BLOC1S2: variants seen among roughly 807,000 people sequenced by gnomAD.
BLOC1S2 encodes the protein biogenesis of lysosomal organelles complex 1 subunit 2.
BLOC1S2 carries 12 observed loss-of-function variants against 19.6 expected under a neutral mutation model. The ratio of observed to expected loss-of-function variants is 0.61; its 90% confidence interval spans 0.39 to 0.99. The LOEUF is 0.99. BLOC1S2 is among the 50% of genes least tolerant of loss of function. The pLI is 0.00. For missense variants in BLOC1S2, 142 were observed against 171.0 expected, an observed-to-expected ratio of 0.83 and a Z score of 0.95; for synonymous variants, 66 against 64.1, an observed-to-expected ratio of 1.03 and a Z score of -0.14.
chr10:100,281,418 G>A (rs1848098402), intron 2 of BLOC1S2, among the ~76,000 whole-genome samples: 2 of 152,088 alleles, frequency 1.3e-5, no homozygotes, highest in Admixed American at 6.6e-5. Context: ...GGGCGCGGTG[G>A]CTCATGCGTG....
intron 3 of BLOC1S2, among the ~76,000 whole-genome samples, chr10:100,280,540 T>C (rs1388796459): frequency 2.0e-5 from 3 of 152,198 alleles, no homozygotes; most frequent in Non-Finnish European, 4.4e-5. Flanking sequence ...AAGAGCACCC[T>C]AGAGAAAAGA....
At chr10:100,284,692 T>G (rs1333451560) in intron 2 of BLOC1S2, among the ~76,000 whole-genome samples, 1 of 152,176 alleles carries the variant, frequency 6.6e-6, no homozygotes, top group African/African-American at 2.4e-5. Flanking sequence ...GGTTTTGCCA[T>G]GTTGAGCAGG....
chr10:100,278,307 C>T (rs1414293579), intron 4 of BLOC1S2, among the ~76,000 whole-genome samples: 2 of 151,962 alleles, frequency 1.3e-5, no homozygotes, highest in East Asian at 3.9e-4. Context: ...CCCCTCTGCC[C>T]GGCCACCACC....
At chr10:100,284,482 A>G (rs1338085446) in intron 2 of BLOC1S2, among the ~76,000 whole-genome samples, 1 of 152,166 alleles carries the variant, frequency 6.6e-6, no homozygotes, top group East Asian at 1.9e-4. Context: ...GCAACGGAGC[A>G]GACCTCATCT....
chr10:100,281,693 A>ATATAC (rs1554910961), intron 2 of BLOC1S2, among the ~76,000 whole-genome samples: 1 of 138,834 alleles, frequency 7.2e-6, no homozygotes, highest in Non-Finnish European at 1.5e-5. Context: ...AAAAAAAAAA[A>ATATAC]ATATATATAT....
intron 2 of BLOC1S2, among the ~76,000 whole-genome samples, chr10:100,284,379 A>C (rs968326740): frequency 6.6e-6 from 1 of 152,238 alleles, no homozygotes; most frequent in Non-Finnish European, 1.5e-5. Flanking sequence ...CAGGCTGATA[A>C]CTTACAGAGT....
chr10:100,277,642 T>C (rs1589647762), intron 4 of BLOC1S2, among the ~76,000 whole-genome samples: 1 of 109,796 alleles, frequency 9.1e-6, no homozygotes, highest in Non-Finnish European at 1.8e-5. Context: ...AGCCACCCCG[T>C]CCAGGAGGGA....
chr10:100,286,070 C>T, intron 2 of BLOC1S2, 27 bp downstream of exon 2: 7 of 1,611,094 alleles, frequency 4.3e-6, no homozygotes, highest in Non-Finnish European at 5.9e-6. Context: ...CCAAACCGCA[C>T]CCGAATCAAC....
At chr10:100,283,044 C>G (rs1489874287) in intron 2 of BLOC1S2, 2 of 397,836 alleles carry the variant, frequency 5.0e-6, no homozygotes, top group Admixed American at 8.8e-5. Flanking sequence ...CACCTGAGTT[C>G]CCTAGTTACA....
At chr10:100,283,485 T>G (rs568447532) in intron 2 of BLOC1S2, among the ~76,000 whole-genome samples, 1 of 152,180 alleles carries the variant, frequency 6.6e-6, no homozygotes, top group East Asian at 1.9e-4. Context: ...CCTCTATTAC[T>G]TTTCATCTGA....
intron 4 of BLOC1S2, among the ~76,000 whole-genome samples, chr10:100,279,377 G>C (rs949692459): frequency 1.3e-5 from 2 of 152,184 alleles, no homozygotes; most frequent in Admixed American, 1.3e-4. Context: ...TACTGGCTTA[G>C]TGTCCTTAAG....
intron 3 of BLOC1S2, 65 bp from the exon 4 acceptor site, chr10:100,280,293 T>C (rs1848071793): frequency 7.0e-7 from 1 of 1,421,476 alleles, no homozygotes. Context: ...AGGAAAAGAG[T>C]GGAAAAGTAA....
Position 100,273,367 on chromosome 10 carries a change from T to C in BLOC1S2, c.*2095A>G, listed in dbSNP as rs1453655524. On this transcript the variant is annotated 3_prime_UTR_variant, in exon 5 of 5. Coordinates refer to ENST00000370372, the MANE Select transcript of BLOC1S2 (RefSeq NM_173809.5). Reference sequence around the variant, plus strand: ...TTATCACTTGTACTCTGAAAATACATACATCTATTACACATCAATAAAAAA... The same window carrying C: ...TTATCACTTGTACTCTGAAAATACACACATCTATTACACATCAATAAAAAA... The C allele has an allele frequency of 6.6e-6, 1 of 152,198 alleles. No individual in the cohort carries two copies. Among genetic ancestry groups the C allele is most frequent in the African/African-American group, 2.4e-5 (1 of 41,458 alleles). 9.4% of individuals were successfully genotyped at this position (152,198 alleles called of 1,614,324 possible). A position where few individuals can be genotyped will look rare whatever the true frequency, so the allele number is the denominator to read the frequency against.
At chr10:100,277,415 G>C (rs1847924863) in intron 4 of BLOC1S2, among the ~76,000 whole-genome samples, 1 of 149,798 alleles carries the variant, frequency 6.7e-6, no homozygotes, top group Non-Finnish European at 1.5e-5. Flanking sequence ...GGGAAGTGAG[G>C]AGCCCCTCTG....
intron 4 of BLOC1S2, among the ~76,000 whole-genome samples, chr10:100,277,565 G>GC (rs1431324394): frequency 8.7e-6 from 1 of 115,606 alleles, no homozygotes. Flanking sequence ...GGGGGGGTCA[G>GC]CCCCCCGCCC....
chr10:100,282,434 T>C (rs1848132547), intron 2 of BLOC1S2, among the ~76,000 whole-genome samples: 1 of 152,236 alleles, frequency 6.6e-6, no homozygotes, highest in Non-Finnish European at 1.5e-5. Flanking sequence ...GCTCAGTTCT[T>C]ATCCTCCTAA....
Position 100,281,693 on chromosome 10 carries a change from A to AAAATAT in BLOC1S2, c.173-641_173-640insATATTT, listed in dbSNP as rs71013438. The stretch of plus-strand genomic sequence containing the variant: ...GTGAGACTCCATCTCAAAAAAAAAA[A>AAAATAT]ATATATATATATACACATACACACA... On this transcript the variant is annotated intron_variant, in intron 2 of 4. Transcript: ENST00000370372. Among the ~76,000 whole-genome samples, 692 of 138,856 alleles carry AAAATAT rather than the reference A, an allele frequency of 5.0e-3. 4 individuals are homozygous for AAAATAT. Among genetic ancestry groups the AAAATAT allele is most frequent in the South Asian group, 0.014 (63 of 4,608 alleles). 91.1% of individuals were successfully genotyped at this position (138,856 alleles called of 152,430 possible). A position where few individuals can be genotyped will look rare whatever the true frequency, so the allele number is the denominator to read the frequency against.
chr10:100,277,835 GGGA>G (rs1847962162), intron 4 of BLOC1S2, among the ~76,000 whole-genome samples: 1 of 135,794 alleles, frequency 7.4e-6, no homozygotes, highest in Non-Finnish European at 1.6e-5. Flanking sequence ...AGGGAGGTGG[GGGA>G]GTCAGCCCCC....
rs1847815777 is a variant in BLOC1S2 at position 100,274,956 on chromosome 10, G to GA, written c.*505dup. The GA allele has an allele frequency of 2.5e-6, 1 of 398,658 alleles. No homozygotes were observed. The highest frequency in any genetic ancestry group is 3.6e-5 in the East Asian group (1 of 28,038). 24.7% of individuals were successfully genotyped at this position (398,658 alleles called of 1,614,324 possible). A position where few individuals can be genotyped will look rare whatever the true frequency, so the allele number is the denominator to read the frequency against. ...ATTTTATGTTATTTGCAATATTATG[G>GA]AAAAGTAAGTTACCGACATTCACAA... On this transcript the variant is annotated 3_prime_UTR_variant, in exon 5 of 5. Transcript: ENST00000370372.
Sources: gnomAD v4.1 joint callset for allele counts (sites outside exome capture counted in the v4.1 genomes callset) on GRCh38, gnomAD v4.1.1 for gene constraint, MANE v1.5 for transcripts, NCBI Gene and HGNC (gene_info 2026-07-23, HGNC 2026-07-21) for gene names.